CSNK2B: variants seen among roughly 807,000 people sequenced by gnomAD.
CSNK2B encodes the protein casein kinase II subunit beta.
In CSNK2B, 2 loss-of-function variants were observed where a neutral mutation model predicts 28.8. The observed-to-expected ratio is 0.07, with a 90% CI of 0.03 to 0.22. The LOEUF is 0.22. Among genes scored for constraint, CSNK2B ranks in the 10% least tolerant of loss-of-function variants. The pLI, the probability that CSNK2B is intolerant of heterozygous loss-of-function variation, is 1.00. For synonymous variants in CSNK2B, 89 were observed against 96.1 expected, an observed-to-expected ratio of 0.93 and a Z score of 0.43; for missense variants, 107 against 277.9, an observed-to-expected ratio of 0.39 and a Z score of 4.37.
rs897799868 is a variant in CSNK2B, at chr6:31,669,801, A to T, written c.558-35A>T. Reference sequence around the variant, plus strand: ...GACTGGCAGGGCCTGGATGGGGCTCATGCTGCTGCCTCTCTGACCTCTGCC... The same window carrying T: ...GACTGGCAGGGCCTGGATGGGGCTCTTGCTGCTGCCTCTCTGACCTCTGCC... On this transcript the variant is annotated intron_variant, in intron 6 of 6. Coordinates refer to ENST00000375882, the MANE Select transcript of CSNK2B (RefSeq NM_001320.7). This position sits in a 1 kb window ranked among gnomAD's most constrained non-coding sequence, Gnocchi z 4.8. 3.2e-6 allele frequency: 5 copies of T among 1,572,868 alleles called. No individual in the cohort carries two copies. Among genetic ancestry groups the T allele is most frequent in the Non-Finnish European group, 8.7e-7 (1 of 1,152,020 alleles).
intron 1 of CSNK2B, 195 bp downstream of exon 1, chr6:31,666,403 AAAG>A (rs2151180841): frequency 5.4e-6 from 1 of 183,718 alleles, no homozygotes; most frequent in South Asian, 1.2e-4. Context: ...ACCCGTGAGA[AAAG>A]GAGGAGCCCA....
rs1801673024 is a variant in CSNK2B, at chr6:31,666,172, TC to T, written c.-45del. ...CCGCCGTTCCCTGGAAGTAGCAACT[TC>T]CCTACCCCACCCCAGTCCTGGTCCC... On this transcript the variant is annotated 5_prime_UTR_variant, in exon 1 of 7. Transcript: ENST00000375882. The T allele has an allele frequency of 1.0e-6, 1 of 991,014 alleles. No homozygotes were observed. Among genetic ancestry groups the T allele is most frequent in the Non-Finnish European group, 1.2e-6 (1 of 832,642 alleles). 61.4% of individuals were successfully genotyped at this position (991,014 alleles called of 1,614,324 possible).
Position 31,669,059 on chromosome 6 carries a change from C to A in CSNK2B, c.292-38C>A. On this transcript the variant is annotated intron_variant, in intron 4 of 6. Transcript: ENST00000375882. This position sits in a 1 kb window ranked among gnomAD's most constrained non-coding sequence, Gnocchi z 4.8. ...TGCGAAGGGAGTTGCCTCTTCTTTA[C>A]ATCTACCTGCCAACCCCTTCCATTG... The A allele has an allele frequency of 6.4e-7, 1 of 1,553,406 alleles. No homozygotes were observed. The highest frequency in any genetic ancestry group is 8.9e-7 in the Non-Finnish European group (1 of 1,125,968).
In CSNK2B at chr6:31,669,814, T is replaced by C; in HGVS notation, c.558-22T>C. The C allele has an allele frequency of 6.2e-7, 1 of 1,602,678 alleles. No homozygotes were observed. Among genetic ancestry groups the C allele is most frequent in the Non-Finnish European group, 8.5e-7 (1 of 1,174,578 alleles). ...TGGATGGGGCTCATGCTGCTGCCTC[T>C]CTGACCTCTGCCCTGGCCTAGGCTC... On this transcript the variant is annotated intron_variant, in intron 6 of 6. Coordinates refer to ENST00000375882, the MANE Select transcript of CSNK2B (RefSeq NM_001320.7). This position sits in a 1 kb window ranked among gnomAD's most constrained non-coding sequence, Gnocchi z 4.8.
intron 4 of CSNK2B, 68 bp downstream of exon 4, chr6:31,668,722 GT>G: frequency 3.5e-6 from 5 of 1,438,308 alleles, no homozygotes; most frequent in Non-Finnish European, 4.9e-6. Context: ...GCAGCAAGAA[GT>G]CATGTTTAAG....
chr6:31,666,828 G>A lies in CSNK2B; in HGVS notation c.-4G>A, dbSNP rs1332177453. 7 of 1,612,494 alleles carry A rather than the reference G, an allele frequency of 4.3e-6. No individual in the cohort carries two copies. The highest frequency in any genetic ancestry group is 5.9e-6 in the Non-Finnish European group (7 of 1,178,870). ...ACACTGTTCTTTTTCTAGCTGACGT[G>A]AAGATGAGCAGCTCAGAGGAGGTGT... On this transcript the variant is annotated 5_prime_UTR_variant, in exon 2 of 7. Transcript: ENST00000375882.
intron 3 of CSNK2B, 74 bp downstream of exon 3, chr6:31,668,044 G>A: frequency 1.9e-6 from 2 of 1,039,446 alleles, no homozygotes; most frequent in Non-Finnish European, 3.0e-6. Context: ...TCACTTGCCT[G>A]AATTTTGAAA....
rs1297078599 is a variant in CSNK2B, at chr6:31,669,240, A to G, written c.367+68A>G. 2 of 1,596,920 alleles carry G rather than the reference A, an allele frequency of 1.3e-6. No individual in the cohort carries two copies. Among genetic ancestry groups the G allele is most frequent in the Admixed American group, 3.3e-5 (2 of 59,808 alleles). On this transcript the variant is annotated intron_variant, in intron 5 of 6. Coordinates refer to ENST00000375882, the MANE Select transcript of CSNK2B (RefSeq NM_001320.7). This position sits in a 1 kb window ranked among gnomAD's most constrained non-coding sequence, Gnocchi z 4.8. ...TTATGGGAAGGAGTTGGGGCTCAAC[A>G]CATTGGAGCCTGAGTCCTGAGGGGA...
chr6:31,666,579 G>T, intron 1 of CSNK2B: 1 of 565,164 alleles, frequency 1.8e-6, no homozygotes, highest in Non-Finnish European at 3.1e-6. Context: ...GGTCGGGCTG[G>T]TGGGTCAAAG....
chr6:31,666,567 TG>T, intron 1 of CSNK2B: 1 of 548,598 alleles, frequency 1.8e-6, no homozygotes, highest in Non-Finnish European at 3.2e-6. Flanking sequence ...TCCAGGGATG[TG>T]GGTCGGGCTG....
chr6:31,667,028 T>C (rs761735205), intron 2 of CSNK2B, 125 bp downstream of exon 2: 5 of 870,158 alleles, frequency 5.7e-6, no homozygotes, highest in Non-Finnish European at 9.4e-6. Flanking sequence ...CAGCAAAGAG[T>C]CCCCCCTATA....
chr6:31,668,582 G>A lies in CSNK2B; in HGVS notation c.219G>A (p.Glu73=). 6.2e-7 allele frequency: 1 copy of A among 1,613,114 alleles called. No individual in the cohort carries two copies. Among genetic ancestry groups the A allele is most frequent in the Non-Finnish European group, 8.5e-7 (1 of 1,180,036 alleles). The change falls in exon 4 of 7, where the codon GAG becomes GAA. Residue 73 remains glutamate (E), a synonymous_variant. Coordinates refer to ENST00000375882, the MANE Select transcript of CSNK2B (RefSeq NM_001320.7). ...ACCCCAACCAGAGTGACCTGATTGA[G>A]CAGGCAGCCGAGATGCTTTATGGAT... ...EDNPNQSDLI[E]QAAEMLYGLI... is the part of the protein sequence containing the mutation.
rs1444754811 is a variant in CSNK2B, at chr6:31,669,742, A to G, written c.558-94A>G. On this transcript the variant is annotated intron_variant, in intron 6 of 6. Transcript: ENST00000375882. The surrounding 1 kb of genome is among the most constrained non-coding windows in gnomAD (Gnocchi z 4.8). ...AGGCTTTAGCTCTGAGCAGGTCCATAGAGGAGCTCAGGTGGGGAGGTGGGA... is the reference window on the plus strand; with the variant it reads ...AGGCTTTAGCTCTGAGCAGGTCCATGGAGGAGCTCAGGTGGGGAGGTGGGA... 3 of 1,174,088 alleles carry G rather than the reference A, an allele frequency of 2.6e-6. No individual in the cohort carries two copies. Among genetic ancestry groups the G allele is most frequent in the Non-Finnish European group, 3.6e-6 (3 of 823,416 alleles). 72.7% of individuals were successfully genotyped at this position (1,174,088 alleles called of 1,614,324 possible).
chr6:31,666,515 C>G, intron 1 of CSNK2B: 1 of 449,442 alleles, frequency 2.2e-6, no homozygotes, highest in Non-Finnish European at 4.0e-6. Context: ...AGGTCCCTGC[C>G]GGAGTTGACA....
chr6:31,669,617 G>A lies in CSNK2B; in HGVS notation c.557+109G>A. 1 of 1,245,190 alleles carries A rather than the reference G, an allele frequency of 8.0e-7. No homozygotes were observed. Among genetic ancestry groups the A allele is most frequent in the Non-Finnish European group, 1.1e-6 (1 of 893,360 alleles). 77.1% of individuals were successfully genotyped at this position (1,245,190 alleles called of 1,614,324 possible). On this transcript the variant is annotated intron_variant, in intron 6 of 6. Transcript: ENST00000375882. This position sits in a 1 kb window ranked among gnomAD's most constrained non-coding sequence, Gnocchi z 4.8. ...TGAGGTCTGCTTCTCCCAGAATCAG[G>A]GCATCTCCCTGCTGAGTGACTGTGG...
rs1229112234 is a variant in CSNK2B at position 31,669,375 on chromosome 6, G to A, written c.424G>A (p.Asp142Asn). ...GAAGCTCTACTGCCCCAAGTGCATGGATGTGTACACACCCAAGTCATCAAG... is the reference window on the plus strand; with the variant it reads ...GAAGCTCTACTGCCCCAAGTGCATGAATGTGTACACACCCAAGTCATCAAG... Reference protein sequence around the residue: ...MVKLYCPKCMDVYTPKSSRHH... With the variant: ...MVKLYCPKCMNVYTPKSSRHH... Residue 142 changes from aspartate to asparagine, a missense_variant, in exon 6 of 7, where the codon GAT (aspartate) becomes AAT (asparagine). By Grantham distance (23) the Asp-to-Asn change is conservative. Transcript: ENST00000375882. The surrounding 1 kb of genome is among the most constrained non-coding windows in gnomAD (Gnocchi z 4.8). 6.2e-7 allele frequency: 1 copy of A among 1,614,060 alleles called. No homozygotes were observed. The highest frequency in any genetic ancestry group is 8.5e-7 in the Non-Finnish European group (1 of 1,180,032).
Position 31,669,446 on chromosome 6 carries a change from C to T in CSNK2B, c.495C>T (p.His165=). ...DGAYFGTGFP[H]MLFMVHPEYR... is the part of the protein sequence containing the mutation. The stretch of plus-strand genomic sequence containing the variant: ...CCTACTTCGGCACTGGTTTCCCTCA[C>T]ATGCTCTTCATGGTGCATCCCGAGT... Residue 165 remains histidine, a synonymous_variant, in exon 6 of 7, where the codon CAC becomes CAT. Transcript: ENST00000375882. The surrounding 1 kb of genome is among the most constrained non-coding windows in gnomAD (Gnocchi z 4.8). The T allele has an allele frequency of 1.2e-6, 2 of 1,613,868 alleles. No homozygotes were observed. Among genetic ancestry groups the T allele is most frequent in the Non-Finnish European group, 8.5e-7 (1 of 1,180,032 alleles).
rs1802078677 is a variant in CSNK2B, at chr6:31,670,029, TCG to T, written c.*104_*105del. 1 of 934,230 alleles carries T rather than the reference TCG, an allele frequency of 1.1e-6. No homozygotes were observed. Among genetic ancestry groups the T allele is most frequent in the South Asian group, 1.7e-5 (1 of 57,284 alleles). 57.9% of individuals were successfully genotyped at this position (934,230 alleles called of 1,614,324 possible). ...TTAGTTTAAATTAAAGGAGTCGTTA[TCG>T]TGGTGGGAATATGAAATAAAGTAGA... On this transcript the variant is annotated 3_prime_UTR_variant, in exon 7 of 7. Coordinates refer to ENST00000375882, the MANE Select transcript of CSNK2B (RefSeq NM_001320.7).
At position 31,667,885 on chromosome 6, in the gene CSNK2B, C is replaced by T; in HGVS notation, c.90C>T (p.Ile30=). 1 of 1,516,064 alleles carries T rather than the reference C, an allele frequency of 6.6e-7. No individual in the cohort carries two copies. The highest frequency in any genetic ancestry group is 8.8e-7 in the Non-Finnish European group (1 of 1,136,136). The allele number at this position is 1,516,064 out of a possible 1,614,324, so 93.9% of individuals were successfully genotyped here. The change falls in exon 3 of 7, where the codon ATC becomes ATT. Residue 30 remains isoleucine (I), a synonymous_variant. Coordinates refer to ENST00000375882, the MANE Select transcript of CSNK2B (RefSeq NM_001320.7). Reference sequence around the variant, plus strand: ...CCTGACAGGTGGATGAAGACTACATCCAGGACAAATTTAATCTTACTGGAC... The same window carrying T: ...CCTGACAGGTGGATGAAGACTACATTCAGGACAAATTTAATCTTACTGGAC... The part of the protein sequence containing the change: ...EFFCEVDEDY[I]QDKFNLTGLN...
Sources: allele counts gnomAD v4.1 joint callset, GRCh38; gene constraint gnomAD v4.1.1; non-coding constraint Gnocchi (gnomAD v3.1); transcripts MANE v1.5; gene names NCBI Gene and HGNC (gene_info 2026-07-23, HGNC 2026-07-21).